SH2D4A: variants seen among roughly 807,000 people sequenced by gnomAD.
The protein encoded by SH2D4A is SH2 domain containing 4A, also known as SH2 domain-containing protein 4A.
In SH2D4A, 70 loss-of-function variants were observed where a neutral mutation model predicts 64.7. The observed-to-expected ratio is 1.08, with a 90% CI of 0.89 to 1.32. The LOEUF (loss-of-function observed/expected upper bound fraction) is 1.32. Among genes scored for constraint, SH2D4A ranks in the 40% most tolerant of loss-of-function variants. SH2D4A has a pLI of 0.00. For missense variants in SH2D4A, 706 were observed against 540.1 expected (o/e 1.31, Z -3.04); for synonymous variants, 268 against 200.7 (o/e 1.34, Z -2.83).
chr8:19,339,869 C>T (rs1164875690), intron 4 of SH2D4A, among the ~76,000 whole-genome samples: 1 of 152,104 alleles, frequency 6.6e-6, no homozygotes, highest in East Asian at 1.9e-4. Context: ...TTGATTTACT[C>T]ATAACATATT....
intron 1 of SH2D4A, 117 bp from the exon 2 acceptor site, chr8:19,319,227 C>A: frequency 1.4e-6 from 1 of 711,314 alleles, no homozygotes; most frequent in Non-Finnish European, 1.8e-6. Flanking sequence ...CTTCTCTTTT[C>A]TCTCTGAACT....
In SH2D4A at chr8:19,393,538, C is replaced by T. The variant is rs147427202; in HGVS notation, c.1269C>T (p.His423=). ...CCTTGGCGGATTTGGTGGAATATCA[C>T]AAGGTGAAGCAATGCATAAACTTAA... The part of the protein sequence containing the change: ...HATLADLVEY[H]KEEPITSLGK... The change falls in exon 9 of 10, where the codon CAC becomes CAT. Residue 423 remains histidine, a synonymous_variant. Transcript: ENST00000265807. 46 of 1,613,850 alleles carry T rather than the reference C, an allele frequency of 2.9e-5. No homozygotes were observed. Among genetic ancestry groups the T allele is most frequent in the Non-Finnish European group, 3.7e-5 (44 of 1,180,014 alleles).
rs1258890389 is a variant in SH2D4A, at chr8:19,393,341, A to G, written c.1072A>G (p.Asn358Asp). 2.5e-6 allele frequency: 4 copies of G among 1,614,042 alleles called. No individual in the cohort carries two copies. Among genetic ancestry groups the G allele is most frequent in the Non-Finnish European group, 3.4e-6 (4 of 1,180,018 alleles). The change falls in exon 9 of 10, where the codon AAT becomes GAT. Residue 358 changes from asparagine to aspartate, a missense_variant. By Grantham distance (23) the Asn-to-Asp change is conservative. Coordinates refer to ENST00000265807, the MANE Select transcript of SH2D4A (RefSeq NM_022071.4). ...FHGILTLKKA[N>D]ELLLSTGMPG... ...AGGAATTCTCACACTCAAGAAAGCA[A>G]ATGAACTTCTTCTGAGCACAGGCAT...
At chr8:19,356,162 C>G (rs1465614353) in intron 4 of SH2D4A, among the ~76,000 whole-genome samples, 1 of 152,116 alleles carries the variant, frequency 6.6e-6, no homozygotes, top group Non-Finnish European at 1.5e-5. Flanking sequence ...GGAGAAATGG[C>G]AAATGCCTGT....
chr8:19,364,998 A>G (rs2052967960), intron 7 of SH2D4A, among the ~76,000 whole-genome samples: 1 of 152,182 alleles, frequency 6.6e-6, no homozygotes, highest in Admixed American at 6.5e-5. Flanking sequence ...TATTGATCTT[A>G]TTTTTAACAT....
At chr8:19,345,246 C>G (rs1250654550) in intron 4 of SH2D4A, among the ~76,000 whole-genome samples, 1 of 152,206 alleles carries the variant, frequency 6.6e-6, no homozygotes, top group African/African-American at 2.4e-5. Flanking sequence ...GGGCTGCAGG[C>G]AGCCACATGG....
At chr8:19,359,793 T>A (rs997124306) in intron 5 of SH2D4A, among the ~76,000 whole-genome samples, 2 of 151,240 alleles carry the variant, frequency 1.3e-5, no homozygotes, top group African/African-American at 2.5e-5. Context: ...GATTTATGAC[T>A]GCCCAGAGCG....
intron 8 of SH2D4A, among the ~76,000 whole-genome samples, chr8:19,379,987 C>G (rs750871482): frequency 3.3e-5 from 5 of 152,172 alleles, no homozygotes; most frequent in African/African-American, 4.8e-5. Context: ...CCTCCCTCCT[C>G]AGCCTCCCAA....
intron 7 of SH2D4A, among the ~76,000 whole-genome samples, chr8:19,368,620 CT>C (rs34764005): frequency 0.016 from 2,245 of 136,260 alleles, 23 homozygotes; most frequent in African/African-American, 0.036. Context: ...AATAAAATTG[CT>C]TTTTTTTTTT....
chr8:19,329,126 T>C (rs1211873291), intron 2 of SH2D4A, among the ~76,000 whole-genome samples: 2 of 152,156 alleles, frequency 1.3e-5, no homozygotes, highest in Non-Finnish European at 2.9e-5. Context: ...TGTTCTTTGG[T>C]CATGTTGTTC....
intron 4 of SH2D4A, among the ~76,000 whole-genome samples, chr8:19,352,320 T>C (rs756618115): frequency 2.0e-5 from 3 of 152,244 alleles, no homozygotes; most frequent in Non-Finnish European, 4.4e-5. Context: ...TTTTTCATAC[T>C]ATCTTTTGGC....
At chr8:19,344,666 C>G (rs989206864) in intron 4 of SH2D4A, among the ~76,000 whole-genome samples, 2 of 152,170 alleles carry the variant, frequency 1.3e-5, no homozygotes, top group Admixed American at 6.5e-5. Flanking sequence ...GCGTGGGTAT[C>G]TTTTAAGGCC....
In SH2D4A at chr8:19,316,634, T is replaced by C. The variant is rs537751500; in HGVS notation, c.-204-2710T>C. ...GGCTTCTGCCCTGTGTCAAGCACCATCAGTTCAGCGTTTCTGTTGCTGCAG... is the reference window on the plus strand; with the variant it reads ...GGCTTCTGCCCTGTGTCAAGCACCACCAGTTCAGCGTTTCTGTTGCTGCAG... On this transcript the variant is annotated intron_variant, in intron 1 of 9. Transcript: ENST00000265807. Among the ~76,000 whole-genome samples the C allele has an allele frequency of 5.9e-5, 9 of 152,330 alleles. No homozygotes were observed. The South Asian group carries it at 1.7e-3, about 28-fold the overall frequency.
intron 5 of SH2D4A, among the ~76,000 whole-genome samples, chr8:19,358,115 AAACAGC>A (rs1354891311): frequency 6.6e-6 from 1 of 152,204 alleles, no homozygotes; most frequent in Non-Finnish European, 1.5e-5. Flanking sequence ...CTTCTTTCTA[AAACAGC>A]AGCAATAGGG....
intron 5 of SH2D4A, chr8:19,360,979 C>T (rs2052874433): frequency 3.1e-6 from 1 of 322,086 alleles, no homozygotes; most frequent in Non-Finnish European, 5.7e-6. Context: ...AAGAGAGGTT[C>T]ATTTGTTGCT....
In SH2D4A at chr8:19,361,439, A is replaced by T. The variant is rs1223372893; in HGVS notation, c.706+125A>T. 4 of 941,322 alleles carry T rather than the reference A, an allele frequency of 4.2e-6. No homozygotes were observed. The East Asian group carries it at 1.3e-4, about 30-fold the overall frequency. 58.3% of individuals were successfully genotyped at this position (941,322 alleles called of 1,614,324 possible). On this transcript the variant is annotated intron_variant, in intron 6 of 9. Coordinates refer to ENST00000265807, the MANE Select transcript of SH2D4A (RefSeq NM_022071.4). ...AGAGATATGTTCACAGTAAGTTACC[A>T]CTCAAATGTTATTACTAACTTATTA...
At chr8:19,386,775 T>C (rs1241552003) in intron 8 of SH2D4A, among the ~76,000 whole-genome samples, 2 of 152,224 alleles carry the variant, frequency 1.3e-5, no homozygotes, top group African/African-American at 4.8e-5. Flanking sequence ...AAACATTTGT[T>C]ATCACATGCT....
chr8:19,324,007 G>T (rs1210297373), intron 2 of SH2D4A, among the ~76,000 whole-genome samples: 1 of 152,280 alleles, frequency 6.6e-6, no homozygotes, highest in East Asian at 1.9e-4. Context: ...TAAACTACAC[G>T]TAGAGCTTAA....
At chr8:19,382,628 T>A (rs1188056765) in intron 8 of SH2D4A, among the ~76,000 whole-genome samples, 13 of 152,126 alleles carry the variant, frequency 8.5e-5, no homozygotes, top group Admixed American at 8.5e-4. Flanking sequence ...AGTGCATTTT[T>A]GACTGATAAT....
Sources: allele counts gnomAD v4.1 joint callset (sites outside exome capture counted in the v4.1 genomes callset), GRCh38; gene constraint gnomAD v4.1.1; transcripts MANE v1.5; gene names NCBI Gene and HGNC (gene_info 2026-07-23, HGNC 2026-07-21).